Variants in PDSS2 observed in about 807,000 individuals in gnomAD.
The protein encoded by PDSS2 is all trans-polyprenyl-diphosphate synthase PDSS2.
In PDSS2, 31 loss-of-function variants were observed where a neutral mutation model predicts 44.5. The observed-to-expected ratio is 0.70, with a 90% CI of 0.52 to 0.94. The LOEUF (loss-of-function observed/expected upper bound fraction) is 0.94. Among genes scored for constraint, PDSS2 ranks in the 40% least tolerant of loss-of-function variants. The probability of loss-of-function intolerance (pLI) is 0.00; values close to 1 mark genes in which losing one functional copy is unlikely to be tolerated. For synonymous variants in PDSS2, 157 were observed against 180.3 expected (o/e 0.87, Z 1.03); for missense variants, 452 against 482.2 (o/e 0.94, Z 0.59).
At chr6:107,427,584 C>A (rs1781046441) in intron 1 of PDSS2, among the ~76,000 whole-genome samples, 1 of 152,168 alleles carries the variant, frequency 6.6e-6, no homozygotes. Context: ...TTAAGAATAG[C>A]TATATTACCT....
At chr6:107,176,186 T>C (rs2114419677) in intron 7 of PDSS2, among the ~76,000 whole-genome samples, 1 of 152,016 alleles carries the variant, frequency 6.6e-6, no homozygotes, top group South Asian at 2.1e-4. Context: ...GGATTATAGG[T>C]AAGCGCCACC....
chr6:107,291,348 ATTTTT>A (rs139519390), intron 2 of PDSS2, among the ~76,000 whole-genome samples: 2 of 132,438 alleles, frequency 1.5e-5, no homozygotes, highest in Admixed American at 7.6e-5. Flanking sequence ...TTATTTTATA[ATTTTT>A]TTTTTTTTTT....
At chr6:107,453,620 A>G (rs1358267177) in intron 1 of PDSS2, among the ~76,000 whole-genome samples, 1 of 152,148 alleles carries the variant, frequency 6.6e-6, no homozygotes, top group East Asian at 1.9e-4. Context: ...GCAGCTATAT[A>G]GTAAGATTTA....
intron 1 of PDSS2, among the ~76,000 whole-genome samples, chr6:107,361,380 A>G (rs1322090303): frequency 1.3e-5 from 2 of 152,238 alleles, no homozygotes; most frequent in Admixed American, 6.5e-5. Flanking sequence ...TTATTTCATT[A>G]TAACAGGCAA....
chr6:107,419,539 T>C (rs1435790333), intron 1 of PDSS2, among the ~76,000 whole-genome samples: 1 of 152,214 alleles, frequency 6.6e-6, no homozygotes, highest in Non-Finnish European at 1.5e-5. Flanking sequence ...ACTAAAATTA[T>C]GTAAGATATT....
At chr6:107,223,347 T>C (rs539297031) in intron 4 of PDSS2, among the ~76,000 whole-genome samples, 2 of 150,766 alleles carry the variant, frequency 1.3e-5, no homozygotes, top group Non-Finnish European at 2.9e-5. Flanking sequence ...CTGGGCAACA[T>C]GGTGAAACTC....
At chr6:107,231,892 G>T (rs1487318094) in intron 4 of PDSS2, among the ~76,000 whole-genome samples, 1 of 151,876 alleles carries the variant, frequency 6.6e-6, no homozygotes, top group Non-Finnish European at 1.5e-5. Context: ...AACCCGGGAG[G>T]TGGAGGTTGC....
intron 1 of PDSS2, among the ~76,000 whole-genome samples, chr6:107,356,873 G>A (rs994370947): frequency 3.9e-5 from 6 of 151,948 alleles, no homozygotes; most frequent in East Asian, 1.9e-4. Context: ...TAAAATTTCC[G>A]CAAGTCATTT....
Position 107,338,973 on chromosome 6 carries a change from C to A in PDSS2, c.297-4641G>T, listed in dbSNP as rs552901855. ...CTCTTGGCCTCAAGTGATCTTCTGG[C>A]CTGGCATCCCTAAGTGCTGGGATTA... On this transcript the variant is annotated intron_variant, in intron 1 of 7. Coordinates refer to ENST00000369037, the MANE Select transcript of PDSS2 (RefSeq NM_020381.4). Among the ~76,000 whole-genome samples, 232 of 152,172 alleles carry A rather than the reference C, an allele frequency of 1.5e-3. 3 individuals are homozygous for A. In the South Asian group the frequency reaches 0.028, roughly 18 times the overall value.
intron 1 of PDSS2, among the ~76,000 whole-genome samples, chr6:107,452,571 G>GC (rs1416286882): frequency 1.3e-5 from 2 of 151,912 alleles, no homozygotes; most frequent in Non-Finnish European, 1.5e-5. Context: ...CTGGATACAA[G>GC]CCCTTCTTTG....
At chr6:107,364,333 C>T (rs1023246138) in intron 1 of PDSS2, among the ~76,000 whole-genome samples, 1 of 152,160 alleles carries the variant, frequency 6.6e-6, no homozygotes, top group African/African-American at 2.4e-5. Flanking sequence ...CACAGGAGCC[C>T]ATGGAGTGGG....
At chr6:107,217,437 AT>A (rs1773449738) in intron 4 of PDSS2, among the ~76,000 whole-genome samples, 1 of 152,182 alleles carries the variant, frequency 6.6e-6, no homozygotes, top group East Asian at 1.9e-4. Context: ...AGATGGGGCC[AT>A]GAGCCAAGGA....
intron 2 of PDSS2, among the ~76,000 whole-genome samples, chr6:107,312,079 C>T (rs1405060190): frequency 6.6e-6 from 1 of 152,194 alleles, no homozygotes; most frequent in Admixed American, 6.5e-5. Flanking sequence ...AAGGTAGGAA[C>T]AATATCCCAT....
At chr6:107,264,613 G>A (rs746292338) in intron 3 of PDSS2, 16 of 713,112 alleles carry the variant, frequency 2.2e-5, no homozygotes, top group African/African-American at 5.3e-5. Flanking sequence ...AAGATGACAG[G>A]TAGTAATCCA....
intron 1 of PDSS2, among the ~76,000 whole-genome samples, chr6:107,397,485 C>G (rs1779986291): frequency 6.6e-6 from 1 of 152,084 alleles, no homozygotes; most frequent in Non-Finnish European, 1.5e-5. Flanking sequence ...TTTTTATAAT[C>G]TAAATTACAA....
chr6:107,421,893 G>C (rs1162971321), intron 1 of PDSS2, among the ~76,000 whole-genome samples: 1 of 151,614 alleles, frequency 6.6e-6, no homozygotes, highest in East Asian at 1.9e-4. Context: ...TTAGTTGGCA[G>C]TACTGTACCA....
At chr6:107,340,615 G>T (rs1778051046) in intron 1 of PDSS2, among the ~76,000 whole-genome samples, 1 of 152,144 alleles carries the variant, frequency 6.6e-6, no homozygotes, top group African/African-American at 2.4e-5. Context: ...ATAATACAAG[G>T]AACAGATAAC....
intron 7 of PDSS2, among the ~76,000 whole-genome samples, chr6:107,159,470 G>A (rs1281506348): frequency 1.4e-5 from 2 of 143,810 alleles, no homozygotes; most frequent in Non-Finnish European, 3.0e-5. Flanking sequence ...AGGCTGGAAT[G>A]CAGTGGCGCG....
chr6:107,273,147 G>A (rs542857918), intron 3 of PDSS2, among the ~76,000 whole-genome samples: 39 of 151,958 alleles, frequency 2.6e-4, no homozygotes, highest in Non-Finnish European at 4.6e-4. Flanking sequence ...ACCACGCCCA[G>A]TTAATTTTTT....
Sources: gnomAD v4.1 joint callset for allele counts (sites outside exome capture counted in the v4.1 genomes callset) on GRCh38, gnomAD v4.1.1 for gene constraint, MANE v1.5 for transcripts, NCBI Gene and HGNC (gene_info 2026-07-23, HGNC 2026-07-21) for gene names.